OR8J1: variants seen among roughly 807,000 people sequenced by gnomAD.
The protein encoded by OR8J1 is olfactory receptor 8J1.
For synonymous variants in OR8J1, 157 were observed against 144.3 expected (o/e 1.09, Z -0.63); for missense variants, 400 against 373.0 (o/e 1.07, Z -0.60).
At chr11:56,355,742 C>A (rs1457388910) in intron 1 of OR8J1, among the ~76,000 whole-genome samples, 1 of 152,140 alleles carries the variant, frequency 6.6e-6, no homozygotes, top group Non-Finnish European at 1.5e-5. Flanking sequence ...GCTCTCAATT[C>A]ATTTGCATTT....
intron 1 of OR8J1, 56 bp from the exon 2 acceptor site, chr11:56,360,171 G>A: frequency 8.6e-7 from 1 of 1,159,502 alleles, no homozygotes; most frequent in Non-Finnish European, 1.2e-6. Context: ...AGCCATATAA[G>A]GGCAGTCCTG....
chr11:56,360,209 C>T lies in OR8J1; in HGVS notation c.-20-18C>T. The T allele has an allele frequency of 6.7e-7, 1 of 1,502,584 alleles. No individual in the cohort carries two copies. Among genetic ancestry groups the T allele is most frequent in the South Asian group, 1.3e-5 (1 of 75,234 alleles). 93.1% of individuals were successfully genotyped at this position (1,502,584 alleles called of 1,614,324 possible). On this transcript the variant is annotated intron_variant, in intron 1 of 1. Coordinates refer to ENST00000533152, the MANE Select transcript of OR8J1 (RefSeq NM_001005205.3). Reference sequence around the variant, plus strand: ...AATAATTCTTTAAAGTTTTTAACCTCTCTTTTCCCCCAAACAGATGAATTT... The same window carrying T: ...AATAATTCTTTAAAGTTTTTAACCTTTCTTTTCCCCCAAACAGATGAATTT...
At chr11:56,356,296 T>A (rs943532791) in intron 1 of OR8J1, among the ~76,000 whole-genome samples, 1 of 152,224 alleles carries the variant, frequency 6.6e-6, no homozygotes, top group African/African-American at 2.4e-5. Flanking sequence ...TCTTGAGATT[T>A]AAAAGAGAAA....
Position 56,360,801 on chromosome 11 carries a change from A to G in OR8J1, c.555A>G (p.Leu185=). ...NHFYCDNVPL[L]ALSCSDTYLP... ...TTTACTGTGATAATGTTCCTCTGTT[A>G]GCATTATCTTGCTCTGATACTTACT... Residue 185 remains leucine, a synonymous_variant, in exon 2 of 2, where the codon TTA becomes TTG. Coordinates refer to ENST00000533152, the MANE Select transcript of OR8J1 (RefSeq NM_001005205.3). The G allele has an allele frequency of 6.4e-7, 1 of 1,567,368 alleles. No homozygotes were observed. Among genetic ancestry groups the G allele is most frequent in the Non-Finnish European group, 8.6e-7 (1 of 1,162,882 alleles).
intron 1 of OR8J1, 122 bp from the exon 2 acceptor site, chr11:56,360,105 A>T: frequency 1.7e-6 from 1 of 579,978 alleles, no homozygotes; most frequent in Non-Finnish European, 2.8e-6. Flanking sequence ...GCTTGAGTTT[A>T]ATAACTGAGT....
Position 56,360,891 on chromosome 11 carries a change from A to T in OR8J1, c.645A>T (p.Leu215=), listed in dbSNP as rs577424821. 5.9e-5 allele frequency: 89 copies of T among 1,501,456 alleles called. No individual in the cohort carries two copies. In the South Asian group the frequency reaches 1.1e-3, roughly 19 times the overall value. The allele number at this position is 1,501,456 out of a possible 1,614,324, so 93.0% of individuals were successfully genotyped here. A position where few individuals can be genotyped will look rare whatever the true frequency, so the allele number is the denominator to read the frequency against. The change falls in exon 2 of 2, where the codon CTA becomes CTT. Residue 215 remains leucine (L), a synonymous_variant. Coordinates refer to ENST00000533152, the MANE Select transcript of OR8J1 (RefSeq NM_001005205.3). The stretch of plus-strand genomic sequence containing the variant: ...TGGTTGGTTCCTTGATTATAGTTCT[A>T]GTATCTTATTTCAATATTGTTTTGT... ...TNVVGSLIIV[L]VSYFNIVLSI...
chr11:56,361,042 C>G lies in OR8J1; in HGVS notation c.796C>G (p.His266Asp), dbSNP rs1852631906. 2 of 1,500,646 alleles carry G rather than the reference C, an allele frequency of 1.3e-6. No individual in the cohort carries two copies. The highest frequency in any genetic ancestry group is 1.8e-6 in the Non-Finnish European group (2 of 1,133,528). The allele number at this position is 1,500,646 out of a possible 1,614,324, so 93.0% of individuals were successfully genotyped here. The change falls in exon 2 of 2, where the codon CAT becomes GAT. Residue 266 changes from histidine (H) to aspartate (D), a missense_variant. Transcript: ENST00000533152. ...CATGTATGTGCAGCCCCGAAGTAAC[C>G]ATTCACTGGATACTGATGATAAGAT... ...LFMYVQPRSN[H>D]SLDTDDKMAS...
In OR8J1 at chr11:56,360,769, A is replaced by G. The variant is rs1286576231; in HGVS notation, c.523A>G (p.Asn175Asp). Reference protein sequence around the residue: ...SVSYCSSNIINHFYCDNVPLL... With the variant: ...SVSYCSSNIIDHFYCDNVPLL... ...GTCTTATTGCTCTTCTAATATAATC[A>G]ATCATTTTTACTGTGATAATGTTCC... Residue 175 changes from asparagine to aspartate, a missense_variant, in exon 2 of 2, where the codon AAT (asparagine) becomes GAT (aspartate). Coordinates refer to ENST00000533152, the MANE Select transcript of OR8J1 (RefSeq NM_001005205.3). The G allele has an allele frequency of 6.9e-6, 11 of 1,587,320 alleles. No individual in the cohort carries two copies. The South Asian group carries it at 1.0e-4, about 15-fold the overall frequency.
chr11:56,355,092 T>C (rs530094940), intron 1 of OR8J1, among the ~76,000 whole-genome samples: 1 of 152,184 alleles, frequency 6.6e-6, no homozygotes, highest in South Asian at 2.1e-4. Flanking sequence ...ACTCATTGCC[T>C]GGGTTGCTCT....
At chr11:56,356,729 C>T (rs568540392) in intron 1 of OR8J1, among the ~76,000 whole-genome samples, 1 of 152,228 alleles carries the variant, frequency 6.6e-6, no homozygotes, top group East Asian at 1.9e-4. Context: ...GAAAAAAATA[C>T]TTTATCATTA....
chr11:56,360,484 A>G lies in OR8J1; in HGVS notation c.238A>G (p.Lys80Glu), dbSNP rs763953365. ...TGGTAACTCTACTGTCATTGCCCCT[A>G]AAATGCTGATTAACTTTTTAGTAAA... Reference protein sequence around the residue: ...NLGNSTVIAPKMLINFLVKKK... With the variant: ...NLGNSTVIAPEMLINFLVKKK... The change falls in exon 2 of 2, where the codon AAA (lysine) becomes GAA (glutamate). Residue 80 changes from lysine to glutamate, a missense_variant. Physicochemically the swap from Lys to Glu is moderately conservative, Grantham distance 56. Transcript: ENST00000533152. The G allele has an allele frequency of 3.1e-6, 5 of 1,614,116 alleles. No individual in the cohort carries two copies. The South Asian group carries it at 3.3e-5, about 11-fold the overall frequency.
chr11:56,358,886 G>A lies in OR8J1; in HGVS notation c.-20-1341G>A, dbSNP rs545161021. ...AGATTATTTTGAAAAACAAGAAAAA[G>A]TGTGATGTTTGGTTTGAGAATCAAA... On this transcript the variant is annotated intron_variant, in intron 1 of 1. Transcript: ENST00000533152. Among the ~76,000 whole-genome samples the A allele has an allele frequency of 2.7e-3, 410 of 152,240 alleles. 3 individuals are homozygous for A. The highest frequency in any genetic ancestry group is 9.1e-3 in the African/African-American group (378 of 41,556).
chr11:56,360,426 C>CT lies in OR8J1; in HGVS notation c.185dup (p.Leu63ProfsTer8). Reference sequence around the variant, plus strand: ...ACTCTCGACTTCAAACCCCCATGTACTTTTTCCTGCAACATCTGGCTCTCA... The same window carrying CT: ...ACTCTCGACTTCAAACCCCCATGTACTTTTTTCCTGCAACATCTGGCTCTCA... On this transcript the variant is annotated frameshift_variant, in exon 2 of 2. Coordinates refer to ENST00000533152, the MANE Select transcript of OR8J1 (RefSeq NM_001005205.3). LOFTEE classifies it low-confidence loss of function (END_TRUNC). 6.2e-7 allele frequency: 1 copy of CT among 1,614,152 alleles called. No homozygotes were observed. Among genetic ancestry groups the CT allele is most frequent in the South Asian group, 1.1e-5 (1 of 91,080 alleles).
chr11:56,357,283 TCTCTGTCAAGCCGTGGATGCGGGC>T, intron 1 of OR8J1: 1 of 444,110 alleles, frequency 2.3e-6, no homozygotes, highest in Non-Finnish European at 4.1e-6. Flanking sequence ...GGCCTGCAGG[TCTCTGTCAAGCCGTGGATGCGGGC>T]CTCTCTTCAG....
chr11:56,358,016 G>T lies in OR8J1; in HGVS notation c.-20-2211G>T, dbSNP rs539807861. 9.4e-4 allele frequency: 742 copies of T among 789,784 alleles called. 1 individual carries two copies. Among genetic ancestry groups the T allele is most frequent in the Admixed American group, 1.9e-3 (87 of 46,014 alleles). The allele number at this position is 789,784 out of a possible 1,614,324, so 48.9% of individuals were successfully genotyped here. ...CAGTTCTCTCAATATATAAAGAACA[G>T]CATAACTCCAGACATGATGGAGGAG... On this transcript the variant is annotated intron_variant, in intron 1 of 1. Coordinates refer to ENST00000533152, the MANE Select transcript of OR8J1 (RefSeq NM_001005205.3).
At chr11:56,356,585 T>C (rs1219080802) in intron 1 of OR8J1, among the ~76,000 whole-genome samples, 1 of 152,146 alleles carries the variant, frequency 6.6e-6, no homozygotes, top group Non-Finnish European at 1.5e-5. Flanking sequence ...CAACTACCTG[T>C]TACGTAGTGT....
intron 1 of OR8J1, among the ~76,000 whole-genome samples, chr11:56,359,168 A>C (rs1852600375): frequency 6.6e-6 from 1 of 152,118 alleles, no homozygotes; most frequent in Non-Finnish European, 1.5e-5. Flanking sequence ...CAGGGGAACT[A>C]TAAATTGTAG....
At chr11:56,358,505 C>A (rs11228126) in intron 1 of OR8J1, among the ~76,000 whole-genome samples, 16,043 of 152,084 alleles carry the variant, frequency 0.11, 1,015 homozygotes, top group East Asian at 0.14. Flanking sequence ...TCTTTCAGAT[C>A]CTTTAGGTCT....
intron 1 of OR8J1, among the ~76,000 whole-genome samples, chr11:56,354,537 A>G (rs1182354856): frequency 6.6e-6 from 1 of 152,194 alleles, no homozygotes; most frequent in African/African-American, 2.4e-5. Context: ...TTATGTCTCC[A>G]AAATAGAAAT....
Sources: gnomAD v4.1 joint callset for allele counts (sites outside exome capture counted in the v4.1 genomes callset) on GRCh38, gnomAD v4.1.1 for gene constraint, MANE v1.5 for transcripts, NCBI Gene and HGNC (gene_info 2026-07-23, HGNC 2026-07-21) for gene names.